LRRK1: variants seen among roughly 807,000 people sequenced by gnomAD.
The protein encoded by LRRK1 is leucine-rich repeat serine/threonine-protein kinase 1.
Under a neutral mutation model 209.1 loss-of-function variants are expected in LRRK1, and 113 were observed. That is an observed-to-expected ratio of 0.54 (90% CI 0.46 to 0.63). The LOEUF (loss-of-function observed/expected upper bound fraction) is 0.63. Ranked by LOEUF, LRRK1 falls within the 30% of genes least tolerant of loss-of-function variation. The pLI, the probability that LRRK1 is intolerant of heterozygous loss-of-function variation, is 0.00. For missense variants in LRRK1, 2,284 were observed against 2,632.2 expected (o/e 0.87, Z 2.89); for synonymous variants, 1,144 against 1,099.7 (o/e 1.04, Z -0.80).
chr15:100,981,071 C>A (rs1002784305), intron 3 of LRRK1, among the ~76,000 whole-genome samples: 1 of 152,180 alleles, frequency 6.6e-6, no homozygotes, highest in Non-Finnish European at 1.5e-5. Flanking sequence ...TTGCAGAGGG[C>A]GACTGGGAGG....
intron 12 of LRRK1, among the ~76,000 whole-genome samples, chr15:101,016,029 G>A (rs1203689683): frequency 6.8e-6 from 1 of 146,646 alleles, no homozygotes; most frequent in Non-Finnish European, 1.5e-5. Flanking sequence ...TCGCTCTGTC[G>A]CCCAGGCTGG....
At chr15:100,974,532 C>A (rs735871) in intron 3 of LRRK1, among the ~76,000 whole-genome samples, 1 of 152,124 alleles carries the variant, frequency 6.6e-6, no homozygotes, top group South Asian at 2.1e-4. Flanking sequence ...AAGAATTTTC[C>A]AGATGATTAA....
intron 20 of LRRK1, among the ~76,000 whole-genome samples, chr15:101,032,513 A>C (rs1463453941): frequency 6.8e-6 from 1 of 146,406 alleles, no homozygotes; most frequent in Non-Finnish European, 1.5e-5. Context: ...TTTTTATATT[A>C]ATGAAGTCTA....
chr15:100,982,431 A>G (rs2031655465), intron 3 of LRRK1, among the ~76,000 whole-genome samples: 1 of 152,236 alleles, frequency 6.6e-6, no homozygotes, highest in Non-Finnish European at 1.5e-5. Flanking sequence ...AATGATAGCC[A>G]CTTACTAGCT....
At chr15:100,993,224 A>G (rs1193422540) in intron 6 of LRRK1, among the ~76,000 whole-genome samples, 3 of 152,140 alleles carry the variant, frequency 2.0e-5, no homozygotes. Context: ...TGAGTTGAAT[A>G]TTTATTTCTT....
intron 2 of LRRK1, among the ~76,000 whole-genome samples, chr15:100,925,974 T>G (rs2042103092): frequency 6.6e-6 from 1 of 152,206 alleles, no homozygotes; most frequent in South Asian, 2.1e-4. Context: ...CCGTGTTAAC[T>G]AACGATCGGC....
At chr15:101,051,077 C>T (rs2035404128) in intron 23 of LRRK1, among the ~76,000 whole-genome samples, 1 of 152,204 alleles carries the variant, frequency 6.6e-6, no homozygotes, top group Admixed American at 6.5e-5. Flanking sequence ...ATGCCTTACA[C>T]ATGGACCTGC....
intron 2 of LRRK1, among the ~76,000 whole-genome samples, chr15:100,966,664 A>T (rs985517228): frequency 1.3e-5 from 2 of 152,200 alleles, no homozygotes; most frequent in Non-Finnish European, 2.9e-5. Context: ...CCTTCCAACA[A>T]CTTGATTGGA....
At chr15:100,998,714 T>A (rs1174534416) in intron 6 of LRRK1, among the ~76,000 whole-genome samples, 2 of 151,774 alleles carry the variant, frequency 1.3e-5, no homozygotes, top group African/African-American at 4.8e-5. Context: ...GTTGCATGGA[T>A]GGATAGGAGG....
In LRRK1 at chr15:101,022,250, C is replaced by G. The variant is rs750375422; in HGVS notation, c.1853-133C>G. On this transcript the variant is annotated intron_variant, in intron 14 of 33. Coordinates refer to ENST00000388948, the MANE Select transcript of LRRK1 (RefSeq NM_024652.6). This position sits in a 1 kb window ranked among gnomAD's most constrained non-coding sequence, Gnocchi z 4.0. The stretch of plus-strand genomic sequence containing the variant: ...GGTTAGTGTCATGCCTTCCCTCCCC[C>G]TGATCCAGTAGTCTTCCTTAACTGT... 4.5e-6 allele frequency: 4 copies of G among 892,254 alleles called. No individual in the cohort carries two copies. Among genetic ancestry groups the G allele is most frequent in the Admixed American group, 2.2e-5 (1 of 44,876 alleles). The allele number at this position is 892,254 out of a possible 1,614,324, so 55.3% of individuals were successfully genotyped here.
At chr15:101,037,152 T>C (rs1330414939) in intron 20 of LRRK1, among the ~76,000 whole-genome samples, 3 of 152,166 alleles carry the variant, frequency 2.0e-5, no homozygotes, top group Non-Finnish European at 2.9e-5. Context: ...CTCAGGTCCC[T>C]AGGCAGCTGG....
chr15:100,977,899 G>C (rs984718768), intron 3 of LRRK1, among the ~76,000 whole-genome samples: 4 of 152,072 alleles, frequency 2.6e-5, no homozygotes, highest in Admixed American at 2.6e-4. Flanking sequence ...GCCAACACTA[G>C]GATGACTCCA....
chr15:101,017,388 C>T (rs1196480404), intron 12 of LRRK1, among the ~76,000 whole-genome samples: 1 of 152,032 alleles, frequency 6.6e-6, no homozygotes, highest in Non-Finnish European at 1.5e-5. Context: ...ATCAGTGGAC[C>T]AGATAAAAGA....
intron 2 of LRRK1, among the ~76,000 whole-genome samples, chr15:100,961,446 C>T (rs1006154877): frequency 1.3e-5 from 2 of 151,872 alleles, no homozygotes; most frequent in Admixed American, 6.6e-5. Flanking sequence ...CGAGGTCAAG[C>T]GATCAAGACC....
intron 17 of LRRK1, among the ~76,000 whole-genome samples, chr15:101,026,804 C>T (rs936803771): frequency 2.0e-5 from 3 of 152,200 alleles, no homozygotes; most frequent in South Asian, 2.1e-4. Flanking sequence ...CGGGGCAGAG[C>T]GCCACGGGTA....
intron 2 of LRRK1, among the ~76,000 whole-genome samples, chr15:100,969,910 C>G (rs770539195): frequency 2.7e-5 from 4 of 148,034 alleles, no homozygotes; most frequent in Non-Finnish European, 4.5e-5. Flanking sequence ...TTTTTTGAGA[C>G]AGAGTTTTGC....
intron 26 of LRRK1, among the ~76,000 whole-genome samples, 166 bp from the exon 27 acceptor site, chr15:101,054,780 C>T (rs149734096): frequency 1.1e-3 from 170 of 152,150 alleles, no homozygotes; most frequent in African/African-American, 4.1e-3. Flanking sequence ...CCACTGCACT[C>T]CAGCCTGGGT....
intron 31 of LRRK1, among the ~76,000 whole-genome samples, chr15:101,063,288 C>G (rs750143797): frequency 6.6e-5 from 10 of 152,238 alleles, no homozygotes; most frequent in Non-Finnish European, 1.2e-4. Context: ...GCCCCAGCCT[C>G]TATGAGGCTG....
chr15:101,045,755 A>T (rs866813566), intron 20 of LRRK1, among the ~76,000 whole-genome samples: 6 of 152,344 alleles, frequency 3.9e-5, no homozygotes, highest in Admixed American at 6.5e-5. Flanking sequence ...TGATAGACTC[A>T]TATTAATGGG....
Sources: allele counts gnomAD v4.1 joint callset (sites outside exome capture counted in the v4.1 genomes callset), GRCh38; gene constraint gnomAD v4.1.1; non-coding constraint Gnocchi (gnomAD v3.1); transcripts MANE v1.5; gene names NCBI Gene and HGNC (gene_info 2026-07-23, HGNC 2026-07-21).